LRBA: variants seen among roughly 807,000 people sequenced by gnomAD.
The protein encoded by LRBA is lipopolysaccharide-responsive and beige-like anchor protein.
A neutral mutation model predicts 330.0 loss-of-function variants in LRBA; 176 were observed. The ratio of observed to expected loss-of-function variants is 0.53; its 90% CI spans 0.47 to 0.60. LRBA has a LOEUF of 0.60. Ranked by LOEUF, LRBA falls within the 20% of genes least tolerant of loss-of-function variation. The pLI is 0.00. For synonymous variants in LRBA, 1,230 were observed against 1,193.0 expected (o/e 1.03, Z -0.64); for missense variants, 3,259 against 3,444.8 (o/e 0.95, Z 1.35).
At chr4:151,008,988 A>AAAAAAAATATAT (rs1554018903) in intron 2 of LRBA, among the ~76,000 whole-genome samples, 2 of 5,524 alleles carry the variant, frequency 3.6e-4, no homozygotes, top group African/African-American at 9.3e-4. Flanking sequence ...AAAAAAAAAA[A>AAAAAAAATATAT]ATATATATAT....
At chr4:150,978,207 A>T (rs991990512) in intron 2 of LRBA, among the ~76,000 whole-genome samples, 1 of 152,248 alleles carries the variant, frequency 6.6e-6, no homozygotes, top group African/African-American at 2.4e-5. Flanking sequence ...AGAGCAACAT[A>T]CCATTTGTTT....
At chr4:150,864,784 T>A (rs1752467380) in intron 22 of LRBA, among the ~76,000 whole-genome samples, 1 of 151,760 alleles carries the variant, frequency 6.6e-6, no homozygotes, top group South Asian at 2.1e-4. Context: ...GTACCTGGGA[T>A]TACAGGCATG....
intron 51 of LRBA, among the ~76,000 whole-genome samples, chr4:150,312,415 G>A (rs114156473): frequency 0.012 from 1,764 of 151,894 alleles, 30 homozygotes; most frequent in African/African-American, 0.04. Context: ...ATTTGCCTGA[G>A]AACTCTCCTG....
intron 47 of LRBA, among the ~76,000 whole-genome samples, chr4:150,386,886 T>C (rs989338480): frequency 6.6e-6 from 1 of 152,174 alleles, no homozygotes; most frequent in South Asian, 2.1e-4. Flanking sequence ...CTACCAACAG[T>C]GTAAGAGCAT....
rs777362587 is a variant in LRBA, at chr4:150,583,684, A to G, written c.6330+4364T>C. ...GCTCTCGAAGGAGTGCTACTCGCTG[A>G]CCGGCAAGCAGAGCTCGGCAGAGAG... is the stretch of plus-strand genomic sequence containing the variant. On this transcript the variant is annotated intron_variant, in intron 40 of 56. Transcript: ENST00000651943. This position sits in a 1 kb window ranked among gnomAD's most constrained non-coding sequence, Gnocchi z 9.8. 4.3e-6 allele frequency: 7 copies of G among 1,613,756 alleles called. No individual in the cohort carries two copies. Among genetic ancestry groups the G allele is most frequent in the Middle Eastern group, 1.6e-4 (1 of 6,062 alleles).
At chr4:150,290,962 A>AT (rs1728211198) in intron 53 of LRBA, among the ~76,000 whole-genome samples, 3 of 152,072 alleles carry the variant, frequency 2.0e-5, no homozygotes, top group African/African-American at 7.2e-5. Context: ...TTATTTATTT[A>AT]TTTTTTATTA....
chr4:150,692,103 A>C (rs1784192161), intron 36 of LRBA, among the ~76,000 whole-genome samples: 1 of 152,200 alleles, frequency 6.6e-6, no homozygotes, highest in African/African-American at 2.4e-5. Flanking sequence ...CTTTATTATA[A>C]TGGTAAAATC....
At chr4:150,319,394 G>A (rs1732176122) in intron 50 of LRBA, among the ~76,000 whole-genome samples, 1 of 152,100 alleles carries the variant, frequency 6.6e-6, no homozygotes. Context: ...AAAGCTCTAA[G>A]GGTAACCGCA....
At chr4:150,553,572 T>C (rs141608789) in intron 40 of LRBA, among the ~76,000 whole-genome samples, 86 of 152,190 alleles carry the variant, frequency 5.7e-4, no homozygotes, top group African/African-American at 2.0e-3. Flanking sequence ...GAAGACAGAA[T>C]ACAAAAATAC....
intron 2 of LRBA, among the ~76,000 whole-genome samples, chr4:150,939,414 A>G (rs1392854562): frequency 6.6e-6 from 1 of 152,242 alleles, no homozygotes; most frequent in African/African-American, 2.4e-5. Flanking sequence ...TATATGCCAA[A>G]GAATGTCAAA....
intron 9 of LRBA, among the ~76,000 whole-genome samples, chr4:150,909,357 T>G (rs1312618287): frequency 1.3e-5 from 2 of 152,230 alleles, no homozygotes; most frequent in Non-Finnish European, 2.9e-5. Flanking sequence ...ATACCTCGTA[T>G]AAGTGGAATC....
rs200640538 is a variant in LRBA at position 150,867,775 on chromosome 4, C to T, written c.2662G>A (p.Glu888Lys). Residue 888 changes from glutamate to lysine, a missense_variant, in exon 22 of 57, where the codon GAA (glutamate) becomes AAA (lysine). Glu to Lys is a moderately conservative substitution (Grantham distance 56). Coordinates refer to ENST00000651943, the MANE Select transcript of LRBA (RefSeq NM_001364905.1). ...ATTCTGAATATGGCGTATACCATTT[C>T]TGTTATCTTTTGCTCATCTGAATTC... ...PKNSDEQKIT[E>K]MVYAIFRILL... 81 of 1,613,578 alleles carry T rather than the reference C, an allele frequency of 5.0e-5. No individual in the cohort carries two copies. Among genetic ancestry groups the T allele is most frequent in the Non-Finnish European group, 3.7e-5 (44 of 1,179,708 alleles).
At chr4:150,964,433 T>C (rs1738650950) in intron 2 of LRBA, among the ~76,000 whole-genome samples, 1 of 149,730 alleles carries the variant, frequency 6.7e-6, no homozygotes. Flanking sequence ...ATTGTGTCTG[T>C]GTGGAAAGAA....
At chr4:150,581,510 T>C in intron 40 of LRBA, 1 of 279,208 alleles carries the variant, frequency 3.6e-6, no homozygotes, top group Middle Eastern at 5.7e-4. Context: ...TGTTACAGTT[T>C]GCACCTTCTA....
intron 40 of LRBA, among the ~76,000 whole-genome samples, chr4:150,559,560 T>TTATATAAA (rs1252965362): frequency 1.6e-5 from 2 of 123,170 alleles, no homozygotes; most frequent in Admixed American, 1.2e-4. Flanking sequence ...ATATATATAT[T>TTATATAAA]TATATAAATA....
chr4:150,905,928 C>T lies in LRBA; in HGVS notation c.1665G>A (p.Leu555=). 1.2e-6 allele frequency: 2 copies of T among 1,613,612 alleles called. No homozygotes were observed. The highest frequency in any genetic ancestry group is 1.7e-6 in the Non-Finnish European group (2 of 1,179,656). Residue 555 remains leucine (L), a synonymous_variant, in exon 13 of 57, where the codon CTG becomes CTA. Coordinates refer to ENST00000651943, the MANE Select transcript of LRBA (RefSeq NM_001364905.1). ...LELCLAFSKY[L]SNLQNGMPLL... Reference sequence around the variant, plus strand: ...GGGGCATCCCATTCTGCAGATTACTCAGATATTTTGAAAATGCAAGGCAAA... The same window carrying T: ...GGGGCATCCCATTCTGCAGATTACTTAGATATTTTGAAAATGCAAGGCAAA...
At chr4:150,764,866 C>G (rs976907183) in intron 34 of LRBA, among the ~76,000 whole-genome samples, 2 of 151,990 alleles carry the variant, frequency 1.3e-5, no homozygotes, top group Non-Finnish European at 2.9e-5. Context: ...TTGATGGTTC[C>G]TAACAAAACT....
intron 2 of LRBA, among the ~76,000 whole-genome samples, chr4:150,935,567 A>C (rs1361952287): frequency 6.6e-6 from 1 of 152,090 alleles, no homozygotes; most frequent in African/African-American, 2.4e-5. Flanking sequence ...AATTCAGCAC[A>C]TTACCATTAA....
intron 33 of LRBA, among the ~76,000 whole-genome samples, chr4:150,799,840 G>A (rs1453246938): frequency 6.6e-6 from 1 of 152,118 alleles, no homozygotes; most frequent in African/African-American, 2.4e-5. Flanking sequence ...CACCTCCCAG[G>A]TTCAATCAAT....
Sources: allele counts gnomAD v4.1 joint callset (sites outside exome capture counted in the v4.1 genomes callset), GRCh38; gene constraint gnomAD v4.1.1; non-coding constraint Gnocchi (gnomAD v3.1); transcripts MANE v1.5; gene names NCBI Gene and HGNC (gene_info 2026-07-23, HGNC 2026-07-21).